Variants in ST7 observed in about 807,000 individuals in gnomAD.
ST7 encodes suppression of tumorigenicity 7, also known as suppressor of tumorigenicity 7 protein.
Under a neutral mutation model 78.7 loss-of-function variants are expected in ST7, and 28 were observed. The observed-to-expected ratio is 0.36, with a 90% CI of 0.26 to 0.49. The LOEUF (loss-of-function observed/expected upper bound fraction) is 0.49, where lower values mean the gene tolerates loss of function less well. Ranked by LOEUF, ST7 falls within the 20% of genes least tolerant of loss-of-function variation. ST7 has a pLI of 0.99. For missense variants in ST7, 418 were observed against 696.0 expected (o/e 0.60, Z 4.49); for synonymous variants, 247 against 249.6 (o/e 0.99, Z 0.10).
chr7:117,016,327 A>G (rs1202368134), intron 1 of ST7, among the ~76,000 whole-genome samples: 1 of 152,166 alleles, frequency 6.6e-6, no homozygotes, highest in Non-Finnish European at 1.5e-5. Context: ...TTGAAGCAGG[A>G]AGGAACACAT....
chr7:117,152,109 A>G (rs924630679), intron 9 of ST7, among the ~76,000 whole-genome samples: 1 of 141,098 alleles, frequency 7.1e-6, no homozygotes, highest in Admixed American at 7.2e-5. Context: ...ACAGAGTGAG[A>G]CACCATCTCA....
intron 1 of ST7, chr7:117,098,732 C>T: frequency 7.8e-7 from 1 of 1,281,198 alleles, no homozygotes. Flanking sequence ...ACATCAAAGC[C>T]CTACTTCTAA....
At chr7:117,040,834 C>T (rs1288431618) in intron 1 of ST7, among the ~76,000 whole-genome samples, 1 of 152,206 alleles carries the variant, frequency 6.6e-6, no homozygotes, top group African/African-American at 2.4e-5. Flanking sequence ...CCACAATTAA[C>T]TCTGAATTAA....
At chr7:117,056,901 A>C (rs954265942) in intron 1 of ST7, among the ~76,000 whole-genome samples, 1 of 152,194 alleles carries the variant, frequency 6.6e-6, no homozygotes, top group African/African-American at 2.4e-5. Flanking sequence ...TCAATTACAC[A>C]TATAAGAGAT....
At chr7:117,134,030 T>G in intron 6 of ST7, 94 bp from the exon 7 acceptor site, 1 of 1,516,288 alleles carries the variant, frequency 6.6e-7, no homozygotes, top group Non-Finnish European at 8.9e-7. Context: ...CCTTCCCCTC[T>G]TTGATTACCC....
chr7:117,061,182 A>G (rs1002922855), intron 1 of ST7, among the ~76,000 whole-genome samples: 2 of 152,162 alleles, frequency 1.3e-5, no homozygotes, highest in Non-Finnish European at 2.9e-5. Context: ...AGGTCCTGCC[A>G]TTTTAAAGAC....
chr7:117,002,786 T>C (rs1372918849), intron 1 of ST7, among the ~76,000 whole-genome samples: 1 of 150,902 alleles, frequency 6.6e-6, no homozygotes, highest in Non-Finnish European at 1.5e-5. Flanking sequence ...CAACATGAAA[T>C]TAGATGCATC....
intron 13 of ST7, among the ~76,000 whole-genome samples, chr7:117,211,231 A>G (rs1468080296): frequency 6.6e-6 from 1 of 152,198 alleles, no homozygotes; most frequent in Non-Finnish European, 1.5e-5. Flanking sequence ...AACTTGAAGG[A>G]GGATTTTATC....
At chr7:117,020,768 T>G (rs1005167825) in intron 1 of ST7, 36 of 1,285,848 alleles carry the variant, frequency 2.8e-5, no homozygotes, top group Non-Finnish European at 3.3e-5. Flanking sequence ...GGAATTGGTC[T>G]CAGGGAAGGA....
intron 8 of ST7, chr7:117,137,403 T>G (rs1407769039): frequency 6.6e-6 from 1 of 151,924 alleles, no homozygotes; most frequent in African/African-American, 2.4e-5. Flanking sequence ...TTTGAAGACA[T>G]GTAGTAAATG....
At chr7:117,155,421 T>G (rs1475801456) in intron 9 of ST7, among the ~76,000 whole-genome samples, 2 of 151,888 alleles carry the variant, frequency 1.3e-5, no homozygotes, top group Non-Finnish European at 2.9e-5. Flanking sequence ...AGGGATGAGA[T>G]CTTACTAAGC....
At chr7:117,025,334 G>A (rs866673679) in intron 1 of ST7, among the ~76,000 whole-genome samples, 1 of 152,108 alleles carries the variant, frequency 6.6e-6, no homozygotes, top group African/African-American at 2.4e-5. Flanking sequence ...AGAGACTGCT[G>A]TTTTTGCTGT....
At chr7:117,141,823 T>C (rs763034211) in intron 9 of ST7, among the ~76,000 whole-genome samples, 2 of 151,828 alleles carry the variant, frequency 1.3e-5, no homozygotes, top group Non-Finnish European at 2.9e-5. Flanking sequence ...GCGCACACCA[T>C]CATGCCTGGC....
At chr7:117,202,815 C>T (rs538477002) in intron 12 of ST7, among the ~76,000 whole-genome samples, 8 of 152,282 alleles carry the variant, frequency 5.3e-5, no homozygotes, top group African/African-American at 1.4e-4. Context: ...GTCCCTCCCT[C>T]AGATTTCCCC....
chr7:117,176,755 G>A (rs1808371951), intron 10 of ST7, among the ~76,000 whole-genome samples: 2 of 152,188 alleles, frequency 1.3e-5, no homozygotes, highest in African/African-American at 2.4e-5. Context: ...CACTTCAAGT[G>A]TCAGTATGTC....
At chr7:117,152,273 G>GCA (rs1338659504) in intron 9 of ST7, among the ~76,000 whole-genome samples, 31 of 139,444 alleles carry the variant, frequency 2.2e-4, no homozygotes, top group Admixed American at 7.6e-5. Flanking sequence ...TGATTATAGA[G>GCA]CAGGCAGTCA....
At chr7:116,968,200 A>C (rs1793222452) in intron 1 of ST7, among the ~76,000 whole-genome samples, 1 of 151,198 alleles carries the variant, frequency 6.6e-6, no homozygotes, top group Non-Finnish European at 1.5e-5. Flanking sequence ...TCTAATATTC[A>C]CTTTTTTTGT....
chr7:116,974,973 G>T (rs932212389), intron 1 of ST7, among the ~76,000 whole-genome samples: 1 of 152,048 alleles, frequency 6.6e-6, no homozygotes, highest in South Asian at 2.1e-4. Flanking sequence ...TCTCAATTCT[G>T]CCCTGATTAT....
intron 1 of ST7, among the ~76,000 whole-genome samples, chr7:117,078,415 A>G (rs1349535344): frequency 2.6e-5 from 4 of 152,272 alleles, no homozygotes; most frequent in Non-Finnish European, 5.9e-5. Flanking sequence ...ATATCTGGTG[A>G]AACAGATGAA....
Sources: allele counts gnomAD v4.1 joint callset (sites outside exome capture counted in the v4.1 genomes callset), GRCh38; gene constraint gnomAD v4.1.1; transcripts MANE v1.5; gene names NCBI Gene and HGNC (gene_info 2026-07-23, HGNC 2026-07-21).